DNA2: variants seen among roughly 807,000 people sequenced by gnomAD.
DNA2 encodes DNA replication ATP-dependent helicase/nuclease DNA2.
A neutral mutation model predicts 119.1 loss-of-function variants in DNA2; 101 were observed. That is an observed-to-expected ratio of 0.85 (90% CI 0.72 to 1.00). The LOEUF (loss-of-function observed/expected upper bound fraction) is 1.00. Among genes scored for constraint, DNA2 ranks in the 50% least tolerant of loss-of-function variants. DNA2 has a pLI of 0.00. For missense variants in DNA2, 1,121 were observed against 1,255.5 expected (o/e 0.89, Z 1.62); for synonymous variants, 366 against 424.4 (o/e 0.86, Z 1.69).
Position 68,414,981 on chromosome 10 carries a change from A to C in DNA2, c.*58T>G. ...TTTGTATGGTGATAGAATTTTCTGT[A>C]TGGGCACTAGCTAGAGGAGATACTG... is the stretch of plus-strand genomic sequence containing the variant. On this transcript the variant is annotated 3_prime_UTR_variant, in exon 21 of 21. Coordinates refer to ENST00000358410, the MANE Select transcript of DNA2 (RefSeq NM_001080449.3). The C allele has an allele frequency of 9.4e-7, 1 of 1,062,552 alleles. No individual in the cohort carries two copies. The highest frequency in any genetic ancestry group is 1.6e-5 in the African/African-American group (1 of 62,968). The allele number at this position is 1,062,552 out of a possible 1,614,324, so 65.8% of individuals were successfully genotyped here.
At chr10:68,452,083 TTTTC>T (rs565722894) in intron 5 of DNA2, among the ~76,000 whole-genome samples, 1 of 152,216 alleles carries the variant, frequency 6.6e-6, no homozygotes, top group Admixed American at 6.5e-5. Context: ...TAAAATTTCT[TTTTC>T]TTTCTTTCTT....
upstream of DNA2, chr10:68,472,085 C>T: frequency 6.4e-7 from 1 of 1,567,252 alleles, no homozygotes; most frequent in South Asian, 1.2e-5. Flanking sequence ...CCTGCCTTTG[C>T]TCCCTTGCTT....
chr10:68,418,367 G>A (rs1417002082), intron 19 of DNA2, among the ~76,000 whole-genome samples: 12 of 147,250 alleles, frequency 8.1e-5, no homozygotes, highest in Non-Finnish European at 1.6e-4. Flanking sequence ...AGCCGAGATC[G>A]CACTACTGCA....
At chr10:68,429,254 A>C (rs1050318495) in intron 14 of DNA2, among the ~76,000 whole-genome samples, 7 of 151,656 alleles carry the variant, frequency 4.6e-5, no homozygotes, top group African/African-American at 1.7e-4. Flanking sequence ...ATTAAAAAAA[A>C]AAAAAAAAAG....
chr10:68,425,808 T>TAAA (rs369267865), intron 14 of DNA2, among the ~76,000 whole-genome samples: 5 of 149,632 alleles, frequency 3.3e-5, no homozygotes, highest in Admixed American at 6.7e-5. Flanking sequence ...GTTTCATAAT[T>TAAA]CAAAAAAAAA....
intron 7 of DNA2, among the ~76,000 whole-genome samples, 189 bp from the exon 8 acceptor site, chr10:68,445,272 C>T (rs2052023530): frequency 6.6e-6 from 1 of 152,148 alleles, no homozygotes; most frequent in Non-Finnish European, 1.5e-5. Flanking sequence ...CAAGACTAGC[C>T]TAACCAACAC....
rs755264118 is a variant in DNA2, at chr10:68,445,087, TG to T, written c.1058-5del. 2.8e-5 allele frequency: 45 copies of T among 1,581,040 alleles called. No individual in the cohort carries two copies. In the African/African-American group the frequency reaches 3.6e-4, roughly 13 times the overall value. ...TGGTTTCTTAGCTTTAATAATTCTA[TG>T]AAAAAAAAGGTGAATGTCTTTTTAA... On this transcript the variant is annotated splice_region_variant and splice_polypyrimidine_tract_variant and intron_variant, in intron 7 of 20. Coordinates refer to ENST00000358410, the MANE Select transcript of DNA2 (RefSeq NM_001080449.3).
In DNA2 at chr10:68,450,061, G is replaced by C. The variant is rs774562797; in HGVS notation, c.906C>G (p.Gly302=). Residue 302 remains glycine (G), a synonymous_variant, in exon 6 of 21, where the codon GGC becomes GGG. Coordinates refer to ENST00000358410, the MANE Select transcript of DNA2 (RefSeq NM_001080449.3). ...GGTGTTCAATAGAATTTGATTCTTT[G>C]CCAGTTTTAAGTTCCAGCGGCATTA... ...YKIMPLELKT[G]KESNSIEHRS... is the part of the protein sequence containing the mutation. 15 of 1,597,656 alleles carry C rather than the reference G, an allele frequency of 9.4e-6. No homozygotes were observed. The Admixed American group carries it at 1.2e-4, about 13-fold the overall frequency.
intron 14 of DNA2, chr10:68,424,819 G>C: frequency 1.0e-6 from 1 of 978,518 alleles, no homozygotes; most frequent in Non-Finnish European, 1.7e-6. Flanking sequence ...CAGGTGCAGC[G>C]TGAGTAGGCC....
chr10:68,415,204 AC>A (rs2051572248), intron 20 of DNA2, 97 bp from the exon 21 acceptor site: 33 of 686,176 alleles, frequency 4.8e-5, no homozygotes, highest in South Asian at 1.7e-4. Flanking sequence ...TTACAGGACC[AC>A]AAAAAAAAAA....
chr10:68,472,075 CCT>C, upstream of DNA2: 1 of 1,580,356 alleles, frequency 6.3e-7, no homozygotes, highest in Non-Finnish European at 8.6e-7. Context: ...GGCTCTGTCC[CCT>C]GCCTTTGCTC....
chr10:68,460,517 C>T (rs1415753291), intron 4 of DNA2, among the ~76,000 whole-genome samples: 7 of 151,690 alleles, frequency 4.6e-5, no homozygotes, highest in Non-Finnish European at 1.0e-4. Context: ...AAATGATGCT[C>T]CTGCCTCAGT....
At chr10:68,452,421 C>T (rs1020519434) in intron 5 of DNA2, among the ~76,000 whole-genome samples, 87 of 152,106 alleles carry the variant, frequency 5.7e-4, no homozygotes, top group East Asian at 5.8e-4. Flanking sequence ...TACTTGTTCA[C>T]GGTGTGTATT....
At chr10:68,431,404 T>A (rs1237525884) in intron 13 of DNA2, among the ~76,000 whole-genome samples, 1 of 151,924 alleles carries the variant, frequency 6.6e-6, no homozygotes, top group Non-Finnish European at 1.5e-5. Context: ...TGCCTCAGCC[T>A]CCCGAGTAAA....
intron 5 of DNA2, among the ~76,000 whole-genome samples, chr10:68,452,865 T>C (rs981076943): frequency 1.3e-5 from 2 of 150,710 alleles, no homozygotes; most frequent in African/African-American, 4.9e-5. Flanking sequence ...ATTACAGTTA[T>C]GAGCCACCAT....
intron 10 of DNA2, among the ~76,000 whole-genome samples, chr10:68,433,746 GA>G (rs1285459129): frequency 6.6e-6 from 1 of 152,036 alleles, no homozygotes; most frequent in African/African-American, 2.4e-5. Context: ...GCCCAGGATG[GA>G]AAACTTTTTA....
At chr10:68,425,701 A>G (rs1239812634) in intron 14 of DNA2, among the ~76,000 whole-genome samples, 1 of 148,868 alleles carries the variant, frequency 6.7e-6, no homozygotes, top group East Asian at 2.1e-4. Flanking sequence ...GCGCCCGGCC[A>G]TCTCTGGAAC....
At chr10:68,472,254 G>A (rs954982605), upstream of DNA2, 8 of 1,136,282 alleles carry the variant, frequency 7.0e-6, no homozygotes, top group Non-Finnish European at 8.9e-6. Flanking sequence ...AGCTTAGTTT[G>A]AACACAACCT....
rs969534717 is a variant in DNA2, at chr10:68,414,258, T to A, written c.*781A>T. 1.3e-5 allele frequency: 2 copies of A among 151,964 alleles called. No individual in the cohort carries two copies. The highest frequency in any genetic ancestry group is 4.8e-5 in the African/African-American group (2 of 41,418). The allele number at this position is 151,964 out of a possible 1,614,324, so 9.4% of individuals were successfully genotyped here. A position where few individuals can be genotyped will look rare whatever the true frequency, so the allele number is the denominator to read the frequency against. The stretch of plus-strand genomic sequence containing the variant: ...AACCTTTGTTAAAATCTGTTACTTT[T>A]TATATATATAATATAATCACTTTGA... On this transcript the variant is annotated 3_prime_UTR_variant, in exon 21 of 21. Coordinates refer to ENST00000358410, the MANE Select transcript of DNA2 (RefSeq NM_001080449.3).
Sources: allele counts gnomAD v4.1 joint callset (sites outside exome capture counted in the v4.1 genomes callset), GRCh38; gene constraint gnomAD v4.1.1; transcripts MANE v1.5; gene names NCBI Gene and HGNC (gene_info 2026-07-23, HGNC 2026-07-21).